Variants in KPNB1 observed in about 807,000 individuals in gnomAD.
The protein encoded by KPNB1 is karyopherin subunit beta 1.
In KPNB1, 7 loss-of-function variants were observed where a neutral mutation model predicts 113.0. That is an observed-to-expected ratio of 0.06 (90% CI 0.04 to 0.12). KPNB1 has a LOEUF of 0.12. Among genes scored for constraint, KPNB1 ranks in the 10% least tolerant of loss-of-function variants. The pLI is 1.00. For synonymous variants in KPNB1, 363 were observed against 378.6 expected, an observed-to-expected ratio of 0.96 and a Z score of 0.48; for missense variants, 400 against 1,054.8, an observed-to-expected ratio of 0.38 and a Z score of 8.60.
At chr17:47,655,893 A>G (rs1381483840) in intron 3 of KPNB1, among the ~76,000 whole-genome samples, 1 of 152,104 alleles carries the variant, frequency 6.6e-6, no homozygotes, top group Non-Finnish European at 1.5e-5. Flanking sequence ...GGCAGTGTTG[A>G]TTATGCTGAT....
intron 2 of KPNB1, 100 bp downstream of exon 2, chr17:47,650,544 G>GCCCCATCCCGTCCCCCTCCCCCCT: frequency 1.3e-6 from 1 of 773,770 alleles, no homozygotes; most frequent in Non-Finnish European, 2.0e-6. Flanking sequence ...AACCTACCCC[G>GCCCCATCCCGTCCCCCTCCCCCCT]CCCCATCCCG....
At chr17:47,680,972 T>C (rs796460323) in intron 21 of KPNB1, among the ~76,000 whole-genome samples, 7 of 152,324 alleles carry the variant, frequency 4.6e-5, no homozygotes, top group African/African-American at 1.7e-4. Context: ...TCTATTCCTT[T>C]CCTCATGCCC....
intron 9 of KPNB1, among the ~76,000 whole-genome samples, chr17:47,665,752 G>A (rs1488240336): frequency 1.3e-5 from 2 of 152,160 alleles, no homozygotes; most frequent in African/African-American, 4.8e-5. Flanking sequence ...TGAGGACCGT[G>A]TCCTGGTTGC....
chr17:47,650,555 T>TCCCCCTC lies in KPNB1; in HGVS notation c.99+123_99+129dup, dbSNP rs1187930615. 5.6e-3 allele frequency: 3,103 copies of TCCCCCTC among 550,778 alleles called. 35 individuals are homozygous for TCCCCCTC. Among genetic ancestry groups the TCCCCCTC allele is most frequent in the Admixed American group, 0.036 (1,221 of 33,574 alleles). The allele number at this position is 550,778 out of a possible 1,614,324, so 34.1% of individuals were successfully genotyped here. On this transcript the variant is annotated intron_variant, in intron 2 of 21. Transcript: ENST00000290158. ...CGGGAACCTACCCCGCCCCATCCCG[T>TCCCCCTC]CCCCCTCCCCCCTCCCCCTCCCCCC...
In KPNB1 at chr17:47,682,505, G is replaced by A. The variant is rs889650352; in HGVS notation, c.*101G>A. Reference sequence around the variant, plus strand: ...AGTGTGCACGGATGCTGAATGTTTGGGAATGAGAGGATGAGTGAGTGAGGC... The same window carrying A: ...AGTGTGCACGGATGCTGAATGTTTGAGAATGAGAGGATGAGTGAGTGAGGC... On this transcript the variant is annotated 3_prime_UTR_variant, in exon 22 of 22. Coordinates refer to ENST00000290158, the MANE Select transcript of KPNB1 (RefSeq NM_002265.6). 6.0e-5 allele frequency: 46 copies of A among 768,084 alleles called. 1 individual carries two copies. The highest frequency in any genetic ancestry group is 4.4e-5 in the Non-Finnish European group (18 of 413,080). 47.6% of individuals were successfully genotyped at this position (768,084 alleles called of 1,614,324 possible).
intron 5 of KPNB1, among the ~76,000 whole-genome samples, chr17:47,658,894 C>T (rs540720788): frequency 2.2e-4 from 33 of 152,188 alleles, no homozygotes; most frequent in South Asian, 6.2e-4. Context: ...TTTCCTTTTG[C>T]AGTCCAAAGT....
In KPNB1 at chr17:47,682,725, G is replaced by A. The variant is rs373034343; in HGVS notation, c.*321G>A. The A allele has an allele frequency of 2.7e-6, 1 of 363,876 alleles. No homozygotes were observed. Among genetic ancestry groups the A allele is most frequent in the Non-Finnish European group, 5.0e-6 (1 of 198,972 alleles). The allele number at this position is 363,876 out of a possible 1,614,324, so 22.5% of individuals were successfully genotyped here. On this transcript the variant is annotated 3_prime_UTR_variant, in exon 22 of 22. Transcript: ENST00000290158. ...TATCTCTTCCCAGGAGAGGCTAGAA[G>A]TAGCTTTTCTGTCTTTTGGCCAGTG...
intron 21 of KPNB1, 50 bp from the exon 22 acceptor site, chr17:47,682,354 T>A (rs540912586): frequency 1.3e-6 from 1 of 780,640 alleles, no homozygotes; most frequent in Non-Finnish European, 2.4e-6. Context: ...ATTGGCTCTG[T>A]TGGGTATATG....
At position 47,680,635 on chromosome 17, in the gene KPNB1, A is replaced by G. The variant is rs1222532847; in HGVS notation, c.2596A>G (p.Thr866Ala). 6.2e-7 allele frequency: 1 copy of G among 1,614,232 alleles called. No individual in the cohort carries two copies. The highest frequency in any genetic ancestry group is 2.2e-5 in the East Asian group (1 of 44,884). The change falls in exon 21 of 22, where the codon ACA becomes GCA. Residue 866 changes from threonine (T) to alanine (A), a missense_variant. This residue lies in a region of KPNB1 where 115 missense variants were observed against 427.9 expected (regional missense o/e 0.27). Coordinates refer to ENST00000290158, the MANE Select transcript of KPNB1 (RefSeq NM_002265.6). Reference sequence around the variant, plus strand: ...AGCAAAAACCCTTGCTACATGGGCAACAAAAGAACTGAGGAAACTGAAGAA... The same window carrying G: ...AGCAAAAACCCTTGCTACATGGGCAGCAAAAGAACTGAGGAAACTGAAGAA... Reference protein sequence around the residue: ...NKAKTLATWATKELRKLKNQA With the variant: ...NKAKTLATWAAKELRKLKNQA
chr17:47,661,888 T>A (rs767350615), intron 6 of KPNB1, among the ~76,000 whole-genome samples: 3 of 152,158 alleles, frequency 2.0e-5, no homozygotes. Context: ...TACTAAAAAA[T>A]ATATATACAC....
chr17:47,656,559 G>A (rs1279198998), intron 3 of KPNB1, among the ~76,000 whole-genome samples: 1 of 142,200 alleles, frequency 7.0e-6, no homozygotes, highest in Non-Finnish European at 1.5e-5. Flanking sequence ...TTTTTTTTGA[G>A]CCTGGGCAAT....
chr17:47,652,963 C>A, intron 3 of KPNB1, 87 bp downstream of exon 3: 1 of 987,808 alleles, frequency 1.0e-6, no homozygotes, highest in Non-Finnish European at 1.5e-6. Context: ...TGGGATAGAG[C>A]TAACAGTGTG....
intron 3 of KPNB1, among the ~76,000 whole-genome samples, chr17:47,655,831 G>T (rs188428512): frequency 6.6e-6 from 1 of 152,140 alleles, no homozygotes; most frequent in Admixed American, 6.6e-5. Flanking sequence ...TTCCCACCTC[G>T]TGTTGAAGGT....
At chr17:47,666,493 T>C (rs867148238) in intron 9 of KPNB1, among the ~76,000 whole-genome samples, 117 of 145,678 alleles carry the variant, frequency 8.0e-4, no homozygotes, top group Middle Eastern at 7.2e-3. Context: ...TATTATATAT[T>C]TTATATAATG....
chr17:47,678,463 G>A (rs767629288), intron 19 of KPNB1, 50 bp downstream of exon 19: 1 of 1,267,170 alleles, frequency 7.9e-7, no homozygotes, highest in Non-Finnish European at 1.2e-6. Flanking sequence ...TGTGCACTTA[G>A]CCAAGTGGGC....
rs376375886 is a variant in KPNB1, at chr17:47,680,011, C to T, written c.2354-9C>T. The T allele has an allele frequency of 5.6e-6, 9 of 1,595,404 alleles. No individual in the cohort carries two copies. The highest frequency in any genetic ancestry group is 4.4e-5 in the South Asian group (4 of 90,730). On this transcript the variant is annotated splice_polypyrimidine_tract_variant and intron_variant, in intron 19 of 21. Transcript: ENST00000290158. ...CGCACCCGACCAATACCTTCTCTCT[C>T]TTTTATAGCGGATGTGATGCTGGTA...
At position 47,650,218 on chromosome 17, in the gene KPNB1, G is replaced by A. The variant is rs1223946639; in HGVS notation, c.-27G>A. ...GAAAGGCCGGGCCGTCGTCTTAGGA[G>A]GAGTCGCCGCCGCCGCCACCTCCGC... is the stretch of plus-strand genomic sequence containing the variant. On this transcript the variant is annotated 5_prime_UTR_variant, in exon 1 of 22. Coordinates refer to ENST00000290158, the MANE Select transcript of KPNB1 (RefSeq NM_002265.6). 3 of 1,576,996 alleles carry A rather than the reference G, an allele frequency of 1.9e-6. No individual in the cohort carries two copies. Among genetic ancestry groups the A allele is most frequent in the Non-Finnish European group, 1.7e-6 (2 of 1,165,982 alleles).
chr17:47,651,061 TC>T (rs1028737787), intron 2 of KPNB1: 6 of 199,378 alleles, frequency 3.0e-5, no homozygotes, highest in Admixed American at 2.6e-4. Flanking sequence ...TTTTTTTTTT[TC>T]TTCTGACCTG....
chr17:47,672,158 A>G (rs534610799), intron 12 of KPNB1, among the ~76,000 whole-genome samples: 2 of 152,062 alleles, frequency 1.3e-5, no homozygotes. Context: ...GGTGCCCACC[A>G]ACATGCCTGG....
Sources: gnomAD v4.1 joint callset for allele counts (sites outside exome capture counted in the v4.1 genomes callset) on GRCh38, gnomAD v4.1.1 for gene constraint, gnomAD v4.1.1 regional missense constraint, MANE v1.5 for transcripts, NCBI Gene and HGNC (gene_info 2026-07-23, HGNC 2026-07-21) for gene names.